TMEM108: variants seen among roughly 807,000 people sequenced by gnomAD.
TMEM108 encodes the protein cancer/testis antigen 124.
Under a neutral mutation model 35.1 loss-of-function variants are expected in TMEM108, and 12 were observed. That is an observed-to-expected ratio of 0.34 (90% CI 0.22 to 0.55). The LOEUF (loss-of-function observed/expected upper bound fraction) is 0.55. Among genes scored for constraint, TMEM108 ranks in the 20% least tolerant of loss-of-function variants. TMEM108 has a pLI of 0.89. For missense variants in TMEM108, 680 were observed against 753.3 expected, an observed-to-expected ratio of 0.90 and a Z score of 1.14; for synonymous variants, 287 against 308.6, an observed-to-expected ratio of 0.93 and a Z score of 0.73.
At chr3:133,375,039 C>T (rs2072793942) in intron 3 of TMEM108, among the ~76,000 whole-genome samples, 1 of 152,206 alleles carries the variant, frequency 6.6e-6, no homozygotes, top group African/African-American at 2.4e-5. Flanking sequence ...TTCTTTTCCT[C>T]AATTGCAACA....
chr3:133,112,214 C>A (rs565554092), intron 2 of TMEM108, among the ~76,000 whole-genome samples: 10 of 152,166 alleles, frequency 6.6e-5, no homozygotes, highest in Admixed American at 3.9e-4. Flanking sequence ...GTCATGGATA[C>A]CCCTCCAGGA....
intron 3 of TMEM108, among the ~76,000 whole-genome samples, chr3:133,324,513 A>G (rs2071305842): frequency 6.6e-6 from 1 of 152,244 alleles, no homozygotes; most frequent in Non-Finnish European, 1.5e-5. Context: ...TAAAAAATCA[A>G]TAAATAACAT....
intron 2 of TMEM108, among the ~76,000 whole-genome samples, chr3:133,176,460 A>G (rs1283896114): frequency 6.6e-6 from 1 of 152,208 alleles, no homozygotes; most frequent in Non-Finnish European, 1.5e-5. Flanking sequence ...AACAGAAATT[A>G]CATTGTCTCT....
chr3:133,084,566 A>G (rs1167809501), intron 2 of TMEM108, among the ~76,000 whole-genome samples: 2 of 152,208 alleles, frequency 1.3e-5, no homozygotes, highest in African/African-American at 2.4e-5. Flanking sequence ...TCCTTGAAGG[A>G]TTATTAGCTT....
chr3:133,200,085 C>G (rs547931530), intron 2 of TMEM108, among the ~76,000 whole-genome samples: 71 of 152,290 alleles, frequency 4.7e-4, no homozygotes, highest in Non-Finnish European at 8.4e-4. Context: ...GATATAATCT[C>G]CTGGTGTGCC....
chr3:133,323,484 C>G (rs1475336364), intron 3 of TMEM108, among the ~76,000 whole-genome samples: 1 of 152,084 alleles, frequency 6.6e-6, no homozygotes, highest in Non-Finnish European at 1.5e-5. Context: ...TGAAAGATCT[C>G]TACAAGGAAA....
intron 2 of TMEM108, among the ~76,000 whole-genome samples, chr3:133,083,300 A>T (rs962229644): frequency 4.0e-5 from 6 of 151,462 alleles, no homozygotes; most frequent in Non-Finnish European, 8.8e-5. Context: ...CTCACTCCTC[A>T]TCCCCCTCCC....
At chr3:133,143,379 G>C (rs759989756) in intron 2 of TMEM108, among the ~76,000 whole-genome samples, 24 of 150,866 alleles carry the variant, frequency 1.6e-4, no homozygotes, top group Non-Finnish European at 2.9e-4. Context: ...TATTCCCCAG[G>C]ATATTAAAGT....
At chr3:133,259,872 C>T (rs373555518) in intron 3 of TMEM108, among the ~76,000 whole-genome samples, 8 of 152,174 alleles carry the variant, frequency 5.3e-5, no homozygotes, top group African/African-American at 1.7e-4. Context: ...GGAGGCAGTT[C>T]CTGTGTCAGT....
intron 3 of TMEM108, among the ~76,000 whole-genome samples, chr3:133,348,852 A>G (rs1192277442): frequency 6.6e-6 from 1 of 152,172 alleles, no homozygotes; most frequent in Non-Finnish European, 1.5e-5. Flanking sequence ...TAAAACAAAT[A>G]GAGGAAAATA....
chr3:133,175,247 ACT>A (rs1245194798), intron 2 of TMEM108, among the ~76,000 whole-genome samples: 6 of 152,224 alleles, frequency 3.9e-5, no homozygotes, highest in Admixed American at 3.9e-4. Context: ...GTTGGAAAAC[ACT>A]CTGCAGGATA....
At chr3:133,307,106 A>T (rs573782444) in intron 3 of TMEM108, among the ~76,000 whole-genome samples, 1 of 152,146 alleles carries the variant, frequency 6.6e-6, no homozygotes, top group African/African-American at 2.4e-5. Flanking sequence ...TTTGATTTGC[A>T]TTTGTCTGAT....
intron 2 of TMEM108, among the ~76,000 whole-genome samples, chr3:133,148,548 A>G (rs1310309057): frequency 6.6e-6 from 1 of 152,186 alleles, no homozygotes; most frequent in Non-Finnish European, 1.5e-5. Context: ...ACACTGGAAA[A>G]AGTCCAAGAT....
intron 3 of TMEM108, among the ~76,000 whole-genome samples, chr3:133,234,792 G>T: frequency 6.6e-6 from 1 of 152,080 alleles, no homozygotes. Flanking sequence ...ATTCAATTAG[G>T]AAAAGAGGAA....
chr3:133,171,268 T>C (rs911588409), intron 2 of TMEM108, among the ~76,000 whole-genome samples: 1 of 152,222 alleles, frequency 6.6e-6, no homozygotes, highest in African/African-American at 2.4e-5. Context: ...TCAGTTTTGC[T>C]TAAGGATGTT....
At chr3:133,135,196 G>A (rs1002912062) in intron 2 of TMEM108, among the ~76,000 whole-genome samples, 2 of 146,540 alleles carry the variant, frequency 1.4e-5, no homozygotes, top group African/African-American at 5.0e-5. Flanking sequence ...ACGTACTTTA[G>A]AATTTCCTTT....
chr3:133,297,109 G>A (rs1046998284), intron 3 of TMEM108, among the ~76,000 whole-genome samples: 3 of 152,188 alleles, frequency 2.0e-5, no homozygotes, highest in Non-Finnish European at 2.9e-5. Context: ...ATGCAGATAC[G>A]CTAATAATGC....
chr3:133,387,980 A>G (rs1441021162), intron 4 of TMEM108: 1 of 985,288 alleles, frequency 1.0e-6, no homozygotes, highest in Non-Finnish European at 1.2e-6. Flanking sequence ...ACTCACAGAT[A>G]CACTTTTCCC....
chr3:133,077,453 C>A (rs1428570043), intron 2 of TMEM108, among the ~76,000 whole-genome samples: 3 of 152,108 alleles, frequency 2.0e-5, no homozygotes, highest in Non-Finnish European at 4.4e-5. Flanking sequence ...GTCTGCAGAG[C>A]ACCCTGGAAC....
Sources: gnomAD v4.1 joint callset for allele counts (sites outside exome capture counted in the v4.1 genomes callset) on GRCh38, gnomAD v4.1.1 for gene constraint, MANE v1.5 for transcripts, NCBI Gene and HGNC (gene_info 2026-07-23, HGNC 2026-07-21) for gene names.